The following ZBTB46 variants were observed in gnomAD, a reference collection of about 807,000 sequenced individuals.
ZBTB46 encodes zinc finger and BTB domain-containing protein 46.
In ZBTB46, 8 loss-of-function variants were observed where a neutral mutation model predicts 44.1. The ratio of observed to expected loss-of-function variants is 0.18; its 90% CI spans 0.11 to 0.33. The LOEUF (loss-of-function observed/expected upper bound fraction) is 0.33. Ranked by LOEUF, ZBTB46 falls within the 10% of genes least tolerant of loss-of-function variation. The pLI, the probability that ZBTB46 is intolerant of heterozygous loss-of-function variation, is 1.00. For synonymous variants in ZBTB46, 409 were observed against 382.3 expected (o/e 1.07, Z -0.81); for missense variants, 651 against 847.7 (o/e 0.77, Z 2.88).
At chr20:63,753,943 C>T (rs1444608727) in intron 3 of ZBTB46, among the ~76,000 whole-genome samples, 1 of 152,236 alleles carries the variant, frequency 6.6e-6, no homozygotes, top group Admixed American at 6.5e-5. Flanking sequence ...GCCCTCCTGA[C>T]CAGCAGTCCC....
intron 2 of ZBTB46, among the ~76,000 whole-genome samples, chr20:63,784,025 G>A (rs2092492013): frequency 6.6e-6 from 1 of 152,174 alleles, no homozygotes; most frequent in East Asian, 1.9e-4. Flanking sequence ...CGTAACCTCA[G>A]AGGTAACTCC....
At chr20:63,819,946 G>A (rs913843483) in intron 1 of ZBTB46, among the ~76,000 whole-genome samples, 3 of 152,094 alleles carry the variant, frequency 2.0e-5, no homozygotes, top group South Asian at 2.1e-4. Flanking sequence ...TAAAAGCAAC[G>A]AAATACTATA....
intron 2 of ZBTB46, among the ~76,000 whole-genome samples, chr20:63,778,595 A>G (rs1419798163): frequency 6.6e-6 from 1 of 152,218 alleles, no homozygotes; most frequent in Non-Finnish European, 1.5e-5. Flanking sequence ...GTCAGGCAGC[A>G]CACGGGGTGA....
intron 1 of ZBTB46, among the ~76,000 whole-genome samples, chr20:63,814,441 T>C (rs1355225705): frequency 2.0e-5 from 3 of 152,298 alleles, no homozygotes; most frequent in African/African-American, 7.2e-5. Flanking sequence ...ATATAACTTT[T>C]ACAAAACTGG....
In ZBTB46 at chr20:63,752,879, G is replaced by A; in HGVS notation, c.1223-18C>T. On this transcript the variant is annotated intron_variant, in intron 3 of 4. Coordinates refer to ENST00000245663, the MANE Select transcript of ZBTB46 (RefSeq NM_001369741.1). This position sits in a 1 kb window ranked among gnomAD's most constrained non-coding sequence, Gnocchi z 5.6. ...CTCATTCACTGAAAGAGAGGGACCC[G>A]CGAGGCGTCAGCAGGGCTTGGGATG... 6.3e-7 allele frequency: 1 copy of A among 1,584,382 alleles called. No homozygotes were observed.
intron 1 of ZBTB46, among the ~76,000 whole-genome samples, chr20:63,810,995 G>T (rs750240075): frequency 2.0e-5 from 3 of 152,198 alleles, no homozygotes; most frequent in Non-Finnish European, 4.4e-5. Context: ...CGGCAGAGCC[G>T]GAGAACACTG....
At chr20:63,774,264 A>G (rs995884597) in intron 3 of ZBTB46, among the ~76,000 whole-genome samples, 1 of 152,164 alleles carries the variant, frequency 6.6e-6, no homozygotes, top group Non-Finnish European at 1.5e-5. Flanking sequence ...AGTCTTTATT[A>G]CCCACAAACA....
intron 3 of ZBTB46, among the ~76,000 whole-genome samples, chr20:63,768,476 C>T (rs2092338954): frequency 6.6e-6 from 1 of 152,016 alleles, no homozygotes; most frequent in Non-Finnish European, 1.5e-5. Context: ...AACGGGATAC[C>T]CTAACCTGTA....
At chr20:63,828,872 G>C (rs1003326899) in intron 1 of ZBTB46, among the ~76,000 whole-genome samples, 2 of 152,212 alleles carry the variant, frequency 1.3e-5, no homozygotes, top group African/African-American at 4.8e-5. Flanking sequence ...TGAGAGGCCG[G>C]GCTAAGACCT....
intron 1 of ZBTB46, among the ~76,000 whole-genome samples, chr20:63,801,021 C>G (rs928175386): frequency 2.6e-5 from 4 of 152,202 alleles, no homozygotes; most frequent in Admixed American, 6.5e-5. Context: ...CTTGGAGAAC[C>G]TTTATGTCTA....
intron 3 of ZBTB46, among the ~76,000 whole-genome samples, chr20:63,754,468 CT>C (rs1026071579): frequency 3.3e-5 from 5 of 152,020 alleles, no homozygotes; most frequent in African/African-American, 1.2e-4. Flanking sequence ...TTTTTTTTCT[CT>C]TTTTTTAAAC....
chr20:63,802,603 G>A (rs144524358), intron 1 of ZBTB46, among the ~76,000 whole-genome samples: 58 of 136,124 alleles, frequency 4.3e-4, no homozygotes, highest in African/African-American at 1.5e-3. Flanking sequence ...GCCGACAACC[G>A]AACCTCAGAC....
At chr20:63,778,502 C>T (rs1182200962) in intron 2 of ZBTB46, among the ~76,000 whole-genome samples, 5 of 152,182 alleles carry the variant, frequency 3.3e-5, no homozygotes, top group African/African-American at 7.2e-5. Flanking sequence ...GCAGAGGTGA[C>T]GTCTGCAAAC....
At position 63,767,965 on chromosome 20, in the gene ZBTB46, G is replaced by A. The variant is rs928113980; in HGVS notation, c.1222+7713C>T. The stretch of plus-strand genomic sequence containing the variant: ...AGGACTGCTCCGCCCAGCTCTCCAC[G>A]CCATGAGAGGTGTCGATCTGGAACC... On this transcript the variant is annotated intron_variant, in intron 3 of 4. Transcript: ENST00000245663. The surrounding 1 kb of genome is among the most constrained non-coding windows in gnomAD (Gnocchi z 5.0). 1.5e-5 allele frequency: 15 copies of A among 985,460 alleles called. No individual in the cohort carries two copies. Among genetic ancestry groups the A allele is most frequent in the Non-Finnish European group, 1.8e-5 (15 of 829,942 alleles). 61.0% of individuals were successfully genotyped at this position (985,460 alleles called of 1,614,324 possible). A position where few individuals can be genotyped will look rare whatever the true frequency, so the allele number is the denominator to read the frequency against.
upstream of ZBTB46, among the ~76,000 whole-genome samples, chr20:63,831,770 G>GGTCACCGGCC (rs1241055086): frequency 1.3e-5 from 2 of 151,144 alleles, no homozygotes; most frequent in Non-Finnish European, 3.0e-5. Context: ...CGGGTGCCCA[G>GGTCACCGGCC]GTCACCGGCC....
intron 2 of ZBTB46, among the ~76,000 whole-genome samples, chr20:63,781,990 G>C (rs1477316741): frequency 9.2e-5 from 14 of 151,662 alleles, no homozygotes; most frequent in Non-Finnish European, 1.6e-4. Flanking sequence ...AGGAGGCTGA[G>C]GCAGGAGAAT....
At chr20:63,796,913 T>G (rs972125996) in intron 1 of ZBTB46, among the ~76,000 whole-genome samples, 2 of 152,130 alleles carry the variant, frequency 1.3e-5, no homozygotes, top group African/African-American at 4.8e-5. Flanking sequence ...CTCAGGCCTA[T>G]AATCCCAACA....
chr20:63,749,351 T>A (rs1601385361), intron 4 of ZBTB46, among the ~76,000 whole-genome samples: 1 of 141,956 alleles, frequency 7.0e-6, no homozygotes, highest in South Asian at 2.2e-4. Flanking sequence ...TTATTTATTT[T>A]TTTGAAACAG....
intron 4 of ZBTB46, among the ~76,000 whole-genome samples, chr20:63,747,775 C>G (rs2092119057): frequency 6.6e-6 from 1 of 152,110 alleles, no homozygotes; most frequent in Non-Finnish European, 1.5e-5. Context: ...CCCGCAAACC[C>G]AGCCCCTAGG....
Sources: allele counts gnomAD v4.1 joint callset (sites outside exome capture counted in the v4.1 genomes callset), GRCh38; gene constraint gnomAD v4.1.1; non-coding constraint Gnocchi (gnomAD v3.1); transcripts MANE v1.5; gene names NCBI Gene and HGNC (gene_info 2026-07-23, HGNC 2026-07-21).